The following USP6NL variants were observed in gnomAD, a reference collection of about 807,000 sequenced individuals.
The protein encoded by USP6NL is USP6 N-terminal like.
A neutral mutation model predicts 61.9 loss-of-function variants in USP6NL; 26 were observed. That is an observed-to-expected ratio of 0.42 (90% CI 0.31 to 0.58). The LOEUF (loss-of-function observed/expected upper bound fraction) is 0.58. Among genes scored for constraint, USP6NL ranks in the 20% least tolerant of loss-of-function variants. The pLI, the probability that USP6NL is intolerant of heterozygous loss-of-function variation, is 0.16. For synonymous variants in USP6NL, 432 were observed against 390.1 expected, an observed-to-expected ratio of 1.11 and a Z score of -1.27; for missense variants, 1,114 against 1,034.3, an observed-to-expected ratio of 1.08 and a Z score of -1.06.
intron 6 of USP6NL, among the ~76,000 whole-genome samples, chr10:11,507,140 T>G (rs912857968): frequency 6.6e-6 from 1 of 152,208 alleles, no homozygotes; most frequent in Non-Finnish European, 1.5e-5. Flanking sequence ...CCCAGTAGAA[T>G]TGTTCGTTTT....
intron 2 of USP6NL, among the ~76,000 whole-genome samples, chr10:11,543,403 A>C (rs1171999403): frequency 6.6e-6 from 1 of 152,080 alleles, no homozygotes; most frequent in Non-Finnish European, 1.5e-5. Context: ...TTAGCCAGGC[A>C]TGGTGGCAGG....
chr10:11,498,741 T>G (rs918993856), intron 7 of USP6NL, among the ~76,000 whole-genome samples: 1 of 152,116 alleles, frequency 6.6e-6, no homozygotes, highest in African/African-American at 2.4e-5. Context: ...AGGGAAGGTC[T>G]TTGCAATGTG....
At chr10:11,505,469 C>A (rs1178864151) in intron 6 of USP6NL, among the ~76,000 whole-genome samples, 2 of 152,114 alleles carry the variant, frequency 1.3e-5, no homozygotes, top group Admixed American at 6.5e-5. Context: ...GTTATAAGAA[C>A]TCAAATTCAG....
chr10:11,576,104 C>CAAT (rs969128538), intron 2 of USP6NL, among the ~76,000 whole-genome samples: 1 of 149,276 alleles, frequency 6.7e-6, no homozygotes, highest in African/African-American at 2.5e-5. Flanking sequence ...AAAAAAAAAG[C>CAAT]AATAATATTA....
rs1838102484 is a variant in USP6NL, at chr10:11,589,811, A to C, written c.4+7820T>G. On this transcript the variant is annotated intron_variant, in intron 2 of 14. Coordinates refer to ENST00000609104, the MANE Select transcript of USP6NL (RefSeq NM_014688.5). The surrounding 1 kb of genome is among the most constrained non-coding windows in gnomAD (Gnocchi z 4.7). ...TAGTGTCTGACTATAATCTTTTTAT[A>C]TTTTATTGTTTAAAGCTTAACACCT... Among the ~76,000 whole-genome samples, 1 of 152,194 alleles carries C rather than the reference A, an allele frequency of 6.6e-6. No individual in the cohort carries two copies. Among genetic ancestry groups the C allele is most frequent in the South Asian group, 2.1e-4 (1 of 4,828 alleles).
chr10:11,464,104 C>G (rs1466910916), intron 14 of USP6NL, among the ~76,000 whole-genome samples: 6 of 152,158 alleles, frequency 3.9e-5, no homozygotes, highest in Admixed American at 3.9e-4. Flanking sequence ...GCCAAATGTA[C>G]AGAGCAGGAG....
At chr10:11,516,505 G>A (rs1396927112) in intron 5 of USP6NL, among the ~76,000 whole-genome samples, 2 of 152,156 alleles carry the variant, frequency 1.3e-5, no homozygotes, top group Admixed American at 6.6e-5. Flanking sequence ...GAACTTGGGG[G>A]AAATCCTGAT....
rs1833432970 is a variant in USP6NL, at chr10:11,485,691, C to A, written c.759+126G>T. On this transcript the variant is annotated intron_variant, in intron 11 of 14. Coordinates refer to ENST00000609104, the MANE Select transcript of USP6NL (RefSeq NM_014688.5). This position sits in a 1 kb window ranked among gnomAD's most constrained non-coding sequence, Gnocchi z 4.8. The stretch of plus-strand genomic sequence containing the variant: ...GTTTGTAAACAACTGGGAATTATAA[C>A]TGCATAGTAAATGAAATGGATGACA... The A allele has an allele frequency of 1.5e-6, 1 of 646,546 alleles. No homozygotes were observed. Among genetic ancestry groups the A allele is most frequent in the South Asian group, 2.0e-5 (1 of 50,086 alleles). The allele number at this position is 646,546 out of a possible 1,614,324, so 40.1% of individuals were successfully genotyped here.
At chr10:11,519,359 G>A (rs1041036429) in intron 4 of USP6NL, among the ~76,000 whole-genome samples, 2 of 152,250 alleles carry the variant, frequency 1.3e-5, no homozygotes, top group Non-Finnish European at 2.9e-5. Context: ...GCTGGGTGCG[G>A]TGGCTCACGC....
intron 14 of USP6NL, among the ~76,000 whole-genome samples, chr10:11,467,991 A>T (rs1221731668): frequency 6.6e-6 from 1 of 152,228 alleles, no homozygotes; most frequent in Non-Finnish European, 1.5e-5. Context: ...CAGACACTTT[A>T]CTTTTGTTGA....
chr10:11,479,132 G>A (rs572210948), intron 14 of USP6NL, among the ~76,000 whole-genome samples: 1 of 152,270 alleles, frequency 6.6e-6, no homozygotes, highest in African/African-American at 2.4e-5. Flanking sequence ...ACATATAAAT[G>A]TTAGAAGAGA....
At chr10:11,578,620 A>G (rs1391139168) in intron 2 of USP6NL, among the ~76,000 whole-genome samples, 1 of 150,660 alleles carries the variant, frequency 6.6e-6, no homozygotes, top group Non-Finnish European at 1.5e-5. Flanking sequence ...TAAAAAAAAT[A>G]AATCAAAATT....
intron 14 of USP6NL, among the ~76,000 whole-genome samples, chr10:11,473,523 G>A (rs565978316): frequency 4.8e-4 from 73 of 152,198 alleles, no homozygotes; most frequent in Admixed American, 6.5e-4. Context: ...AGGCATCTGG[G>A]GAATGGTCGG....
intron 2 of USP6NL, among the ~76,000 whole-genome samples, chr10:11,560,769 A>G (rs1021130023): frequency 1.5e-4 from 22 of 149,576 alleles, no homozygotes; most frequent in Middle Eastern, 3.6e-3. Flanking sequence ...TTTTATCCAT[A>G]ATCAAGTCTC....
chr10:11,611,427 G>C lies in USP6NL; in HGVS notation c.-84+16C>G, dbSNP rs187217745. 0.019 allele frequency: 2,885 copies of C among 152,594 alleles called. 38 individuals are homozygous for C. The highest frequency in any genetic ancestry group is 0.032 in the Non-Finnish European group (2,170 of 68,036). The allele number at this position is 152,594 out of a possible 1,614,324, so 9.5% of individuals were successfully genotyped here. A position where few individuals can be genotyped will look rare whatever the true frequency, so the allele number is the denominator to read the frequency against. ...CCGCCGGCCCCTCACGGCGGGAGCT[G>C]AGGAATGGAAGTTACCTCAGTACGG... On this transcript the variant is annotated intron_variant, in intron 1 of 14. Transcript: ENST00000609104. The surrounding 1 kb of genome is among the most constrained non-coding windows in gnomAD (Gnocchi z 5.3).
chr10:11,463,897 T>C lies in USP6NL; in HGVS notation c.1079-48A>G, dbSNP rs914551997. On this transcript the variant is annotated intron_variant, in intron 14 of 14. Transcript: ENST00000609104. The surrounding 1 kb of genome is among the most constrained non-coding windows in gnomAD (Gnocchi z 6.3). ...AGTAAGATAATACACGAGTAAACAGTAGCCAGTTGAAGCAATCCATTAGTA... is the reference window on the plus strand; with the variant it reads ...AGTAAGATAATACACGAGTAAACAGCAGCCAGTTGAAGCAATCCATTAGTA... 1.4e-6 allele frequency: 2 copies of C among 1,443,866 alleles called. No homozygotes were observed. Among genetic ancestry groups the C allele is most frequent in the Non-Finnish European group, 9.2e-7 (1 of 1,092,534 alleles). The allele number at this position is 1,443,866 out of a possible 1,614,324, so 89.4% of individuals were successfully genotyped here.
In USP6NL at chr10:11,497,042, T is replaced by G. The variant is rs1342876244; in HGVS notation, c.385-3814A>C. 3.3e-5 allele frequency among the ~76,000 whole-genome samples: 5 copies of G among 151,986 alleles called. No homozygotes were observed. The East Asian group carries it at 7.7e-4, about 23-fold the overall frequency. On this transcript the variant is annotated intron_variant, in intron 7 of 14. Coordinates refer to ENST00000609104, the MANE Select transcript of USP6NL (RefSeq NM_014688.5). ...CTGAAAAAGGTGGTTCAGAAGATATTATAAAAATTTAGCTTGAAAAATAAA... is the reference window on the plus strand; with the variant it reads ...CTGAAAAAGGTGGTTCAGAAGATATGATAAAAATTTAGCTTGAAAAATAAA...
chr10:11,550,616 C>T (rs1336935752), intron 2 of USP6NL, among the ~76,000 whole-genome samples: 6 of 151,724 alleles, frequency 4.0e-5, no homozygotes, highest in South Asian at 2.1e-4. Context: ...ATTAGCCGGG[C>T]GTGGTGGCAC....
chr10:11,548,582 T>C lies in USP6NL; in HGVS notation c.5-21015A>G, dbSNP rs1252206577. On this transcript the variant is annotated intron_variant, in intron 2 of 14. Coordinates refer to ENST00000609104, the MANE Select transcript of USP6NL (RefSeq NM_014688.5). This position sits in a 1 kb window ranked among gnomAD's most constrained non-coding sequence, Gnocchi z 4.3. ...CAACTTTGTACCTATCTCCTTCCCTTCATAAATCCAACAATTGTAACTAAA... is the reference window on the plus strand; with the variant it reads ...CAACTTTGTACCTATCTCCTTCCCTCCATAAATCCAACAATTGTAACTAAA... Among the ~76,000 whole-genome samples, 1 of 152,164 alleles carries C rather than the reference T, an allele frequency of 6.6e-6. No homozygotes were observed. The highest frequency in any genetic ancestry group is 1.5e-5 in the Non-Finnish European group (1 of 68,026).
Sources: gnomAD v4.1 joint callset for allele counts (sites outside exome capture counted in the v4.1 genomes callset) on GRCh38, gnomAD v4.1.1 for gene constraint, Gnocchi (gnomAD v3.1) non-coding constraint, MANE v1.5 for transcripts, NCBI Gene and HGNC (gene_info 2026-07-23, HGNC 2026-07-21) for gene names.